ADAMTS17: variants seen among roughly 807,000 people sequenced by gnomAD.
ADAMTS17 encodes A disintegrin and metalloproteinase with thrombospondin motifs 17.
In ADAMTS17, 113 loss-of-function variants were observed where a neutral mutation model predicts 141.5. The observed-to-expected ratio is 0.80, with a 90% CI of 0.69 to 0.93. ADAMTS17 has a LOEUF of 0.93. Among genes scored for constraint, ADAMTS17 ranks in the 40% least tolerant of loss-of-function variants. ADAMTS17 has a pLI of 0.00. For missense variants in ADAMTS17, 1,659 were observed against 1,517.9 expected, an observed-to-expected ratio of 1.09 and a Z score of -1.54; for synonymous variants, 768 against 630.6, an observed-to-expected ratio of 1.22 and a Z score of -3.27.
In ADAMTS17 at chr15:99,993,214, T is replaced by C. The variant is rs757601547; in HGVS notation, c.2797-14A>G. 4 of 1,614,130 alleles carry C rather than the reference T, an allele frequency of 2.5e-6. No homozygotes were observed. Among genetic ancestry groups the C allele is most frequent in the East Asian group, 2.2e-5 (1 of 44,880 alleles). ...GCTGGCAGAGCACTGCAAGACACCA[T>C]TCAAATATTTAACCGAGTTCCAATT... On this transcript the variant is annotated splice_polypyrimidine_tract_variant and intron_variant, in intron 19 of 21. Coordinates refer to ENST00000268070, the MANE Select transcript of ADAMTS17 (RefSeq NM_139057.4). This position sits in a 1 kb window ranked among gnomAD's most constrained non-coding sequence, Gnocchi z 4.3.
Position 100,285,767 on chromosome 15 carries a change from G to A in ADAMTS17, c.617-4366C>T, listed in dbSNP as rs140702286. On this transcript the variant is annotated intron_variant, in intron 3 of 21. Transcript: ENST00000268070. ...GCAGGGGCAGGACTCCAGCCTGTGTGGAGCCCAGAGGGTTTTGCGTGGGAA... is the reference window on the plus strand; with the variant it reads ...GCAGGGGCAGGACTCCAGCCTGTGTAGAGCCCAGAGGGTTTTGCGTGGGAA... Among the ~76,000 whole-genome samples, 239 of 152,308 alleles carry A rather than the reference G, an allele frequency of 1.6e-3. 1 individual carries two copies. The highest frequency in any genetic ancestry group is 5.6e-3 in the African/African-American group (234 of 41,566).
intron 10 of ADAMTS17, among the ~76,000 whole-genome samples, chr15:100,146,383 CTAAACA>C (rs2038904416): frequency 1.3e-5 from 2 of 152,192 alleles, no homozygotes; most frequent in South Asian, 4.1e-4. Flanking sequence ...ACTGCAATCT[CTAAACA>C]TAAATTGTGA....
chr15:100,060,787 G>C (rs2033056909), intron 15 of ADAMTS17, among the ~76,000 whole-genome samples: 1 of 152,238 alleles, frequency 6.6e-6, no homozygotes, highest in Non-Finnish European at 1.5e-5. Flanking sequence ...AAGCCAGCCA[G>C]CGTGGGCTGA....
intron 3 of ADAMTS17, among the ~76,000 whole-genome samples, chr15:100,319,280 G>C (rs560254180): frequency 1.8e-4 from 27 of 152,256 alleles, no homozygotes; most frequent in Non-Finnish European, 2.9e-4. Context: ...GAGGGGCTGA[G>C]GGCCTACCTT....
At chr15:100,047,535 C>T (rs537353279) in intron 18 of ADAMTS17, among the ~76,000 whole-genome samples, 34 of 151,888 alleles carry the variant, frequency 2.2e-4, no homozygotes, top group South Asian at 4.2e-4. Flanking sequence ...TCAAGCCAGC[C>T]GACGCTTAGG....
At chr15:100,148,928 G>A (rs1210352497) in intron 10 of ADAMTS17, among the ~76,000 whole-genome samples, 1 of 152,132 alleles carries the variant, frequency 6.6e-6, no homozygotes, top group Non-Finnish European at 1.5e-5. Flanking sequence ...TGAAGCAACT[G>A]TGTCCCTGGT....
intron 7 of ADAMTS17, among the ~76,000 whole-genome samples, chr15:100,233,573 GCA>G (rs1178823372): frequency 6.6e-6 from 1 of 152,106 alleles, no homozygotes; most frequent in Non-Finnish European, 1.5e-5. Context: ...TCTCTCATGT[GCA>G]GTCGATGGGA....
chr15:100,115,229 C>T (rs1022281386), intron 13 of ADAMTS17, among the ~76,000 whole-genome samples: 1 of 152,206 alleles, frequency 6.6e-6, no homozygotes, highest in Admixed American at 6.5e-5. Flanking sequence ...GGGAAGCCTC[C>T]TGCCACCTCC....
In ADAMTS17 at chr15:100,209,563, T is replaced by C. The variant is rs543442858; in HGVS notation, c.1076-10140A>G. Among the ~76,000 whole-genome samples the C allele has an allele frequency of 1.1e-4, 17 of 151,998 alleles. No homozygotes were observed. The South Asian group carries it at 1.9e-3, about 17-fold the overall frequency. The stretch of plus-strand genomic sequence containing the variant: ...GGAAGCCCTAGGACAATCTCCGCCT[T>C]TGCTGACAGGATATAAAAATGACGG... On this transcript the variant is annotated intron_variant, in intron 7 of 21. Transcript: ENST00000268070.
At chr15:100,224,889 G>A (rs1001801505) in intron 7 of ADAMTS17, among the ~76,000 whole-genome samples, 2 of 152,344 alleles carry the variant, frequency 1.3e-5, no homozygotes, top group Middle Eastern at 3.4e-3. Flanking sequence ...AGGAAGCTGC[G>A]AAGCTTGTCA....
chr15:100,087,798 C>T (rs1055848388), intron 15 of ADAMTS17, among the ~76,000 whole-genome samples: 18 of 152,172 alleles, frequency 1.2e-4, no homozygotes, highest in Non-Finnish European at 1.9e-4. Flanking sequence ...ATGCTTCTTG[C>T]TAAAAACTCT....
At chr15:100,213,676 C>T (rs1321738087) in intron 7 of ADAMTS17, among the ~76,000 whole-genome samples, 2 of 152,270 alleles carry the variant, frequency 1.3e-5, no homozygotes, top group Non-Finnish European at 2.9e-5. Flanking sequence ...AAAAGCCTGC[C>T]TAGATCCTTC....
At chr15:100,224,595 T>A (rs2042239904) in intron 7 of ADAMTS17, among the ~76,000 whole-genome samples, 1 of 152,208 alleles carries the variant, frequency 6.6e-6, no homozygotes, top group Admixed American at 6.5e-5. Context: ...TATTATAAGG[T>A]CCTCGTTCTT....
intron 7 of ADAMTS17, among the ~76,000 whole-genome samples, chr15:100,235,200 C>T (rs2042617625): frequency 1.3e-5 from 2 of 152,118 alleles, no homozygotes; most frequent in Non-Finnish European, 2.9e-5. Context: ...CTTCTGTCAG[C>T]AGTGGTGTGA....
chr15:100,096,018 C>T (rs1012073626), intron 15 of ADAMTS17, among the ~76,000 whole-genome samples: 3 of 152,182 alleles, frequency 2.0e-5, no homozygotes, highest in Non-Finnish European at 4.4e-5. Context: ...AATGATTTGG[C>T]AGGTGTCTCT....
chr15:100,248,371 C>A (rs2043050580), intron 7 of ADAMTS17, among the ~76,000 whole-genome samples: 1 of 152,222 alleles, frequency 6.6e-6, no homozygotes, highest in Admixed American at 6.5e-5. Flanking sequence ...CCTAGCCAGC[C>A]AGGCTTGGAG....
chr15:100,082,143 G>A (rs2141822936), intron 15 of ADAMTS17, among the ~76,000 whole-genome samples: 1 of 152,226 alleles, frequency 6.6e-6, no homozygotes, highest in East Asian at 1.9e-4. Flanking sequence ...TTGGCTCACT[G>A]CAACCTTCGC....
rs1555504074 is a variant in ADAMTS17 at position 100,296,580 on chromosome 15, G to GTGTGTGT, written c.617-15180_617-15179insACACACA. Among the ~76,000 whole-genome samples the GTGTGTGT allele has an allele frequency of 1.6e-4, 17 of 108,010 alleles. No individual in the cohort carries two copies. In the South Asian group the frequency reaches 3.2e-3, roughly 20 times the overall value. The allele number at this position is 108,010 out of a possible 152,430, so 70.9% of individuals were successfully genotyped here. ...TTTTTGTTTGGAGGGGGTGAGGGGG[G>GTGTGTGT]GTGTGTGTGTGTGTGTGTGTGTGTA... On this transcript the variant is annotated intron_variant, in intron 3 of 21. Transcript: ENST00000268070.
At chr15:100,084,437 G>A (rs1178779512) in intron 15 of ADAMTS17, among the ~76,000 whole-genome samples, 1 of 152,200 alleles carries the variant, frequency 6.6e-6, no homozygotes, top group Admixed American at 6.5e-5. Flanking sequence ...ACAAACAAAA[G>A]GCAGGAGAAA....
Sources: gnomAD v4.1 joint callset for allele counts (sites outside exome capture counted in the v4.1 genomes callset) on GRCh38, gnomAD v4.1.1 for gene constraint, Gnocchi (gnomAD v3.1) non-coding constraint, MANE v1.5 for transcripts, NCBI Gene and HGNC (gene_info 2026-07-23, HGNC 2026-07-21) for gene names.